LNPEP: variants seen among roughly 807,000 people sequenced by gnomAD.
The protein encoded by LNPEP is leucyl-cystinyl aminopeptidase.
Under a neutral mutation model 120.6 loss-of-function variants are expected in LNPEP, and 64 were observed. The ratio of observed to expected loss-of-function variants is 0.53; its 90% confidence interval spans 0.43 to 0.65. The LOEUF (loss-of-function observed/expected upper bound fraction) is 0.65, where lower values mean the gene tolerates loss of function less well. Among genes scored for constraint, LNPEP ranks in the 30% least tolerant of loss-of-function variants. The pLI, the probability that LNPEP is intolerant of heterozygous loss-of-function variation, is 0.00. For missense variants in LNPEP, 1,057 were observed against 1,200.0 expected (o/e 0.88, Z 1.76); for synonymous variants, 435 against 425.4 (o/e 1.02, Z -0.28).
intron 8 of LNPEP, among the ~76,000 whole-genome samples, chr5:96,999,640 T>C (rs1036337652): frequency 2.6e-5 from 4 of 152,104 alleles, no homozygotes; most frequent in African/African-American, 9.7e-5. Context: ...TAAAATGCTC[T>C]AAGTTCATTA....
chr5:97,026,236 A>G (rs1791336648), intron 15 of LNPEP, among the ~76,000 whole-genome samples: 1 of 152,214 alleles, frequency 6.6e-6, no homozygotes, highest in Non-Finnish European at 1.5e-5. Context: ...CAAATAATTC[A>G]AATGACCTAG....
chr5:97,002,925 C>G (rs1014129446), intron 8 of LNPEP, among the ~76,000 whole-genome samples: 4 of 152,088 alleles, frequency 2.6e-5, no homozygotes, highest in Non-Finnish European at 2.9e-5. Context: ...CTGGTTACTT[C>G]ACAACACAAT....
Position 97,028,085 on chromosome 5 carries a change from T to G in LNPEP, c.2946+271T>G, listed in dbSNP as rs543146278. ...AAAATTGTTTGGAAGAATTGCATTC[T>G]TGGGGTGAATTCATAGCACCAAGCC... On this transcript the variant is annotated intron_variant, in intron 17 of 17. Coordinates refer to ENST00000231368, the MANE Select transcript of LNPEP (RefSeq NM_005575.3). Among the ~76,000 whole-genome samples, 7 of 152,358 alleles carry G rather than the reference T, an allele frequency of 4.6e-5. No individual in the cohort carries two copies. In the East Asian group the frequency reaches 1.3e-3, roughly 29 times the overall value.
At chr5:96,994,874 C>T (rs544965992) in intron 6 of LNPEP, among the ~76,000 whole-genome samples, 17 of 152,266 alleles carry the variant, frequency 1.1e-4, no homozygotes, top group African/African-American at 3.1e-4. Context: ...CTTTGAGAGG[C>T]GGAGGCAGGC....
At chr5:96,961,649 C>A (rs1789609825) in intron 1 of LNPEP, among the ~76,000 whole-genome samples, 1 of 152,094 alleles carries the variant, frequency 6.6e-6, no homozygotes, top group Non-Finnish European at 1.5e-5. Flanking sequence ...GATCCCCTCC[C>A]CCCTACCAAA....
intron 1 of LNPEP, among the ~76,000 whole-genome samples, chr5:96,957,930 C>G (rs888994685): frequency 1.3e-5 from 2 of 152,190 alleles, no homozygotes; most frequent in African/African-American, 2.4e-5. Flanking sequence ...CAGGTTCATG[C>G]ACAGATTTAA....
intron 6 of LNPEP, 93 bp downstream of exon 6, chr5:96,994,064 T>G (rs1790452776): frequency 9.6e-7 from 1 of 1,046,252 alleles, no homozygotes; most frequent in Non-Finnish European, 1.4e-6. Context: ...AATTCTTTTT[T>G]TTTTTAAGCA....
chr5:96,944,190 T>C (rs954254727), intron 1 of LNPEP, among the ~76,000 whole-genome samples: 1 of 152,238 alleles, frequency 6.6e-6, no homozygotes, highest in African/African-American at 2.4e-5. Flanking sequence ...GAAACTGTTA[T>C]TTTGTCAAAT....
chr5:97,003,079 A>C (rs1180526003), intron 8 of LNPEP, among the ~76,000 whole-genome samples: 2 of 152,174 alleles, frequency 1.3e-5, no homozygotes, highest in Admixed American at 1.3e-4. Flanking sequence ...AAAATTTGGC[A>C]TGTTTTTCTA....
intron 2 of LNPEP, among the ~76,000 whole-genome samples, chr5:96,981,938 TC>T (rs570429698): frequency 3.6e-4 from 55 of 152,298 alleles, no homozygotes; most frequent in African/African-American, 1.2e-3. Flanking sequence ...CCTTGTTTTT[TC>T]TTTCTCATAG....
At chr5:97,020,968 A>G (rs1454566478) in intron 13 of LNPEP, among the ~76,000 whole-genome samples, 2 of 152,158 alleles carry the variant, frequency 1.3e-5, no homozygotes, top group Non-Finnish European at 2.9e-5. Context: ...TCGACATGGT[A>G]TTAACAGGTT....
At chr5:96,990,209 C>CGT (rs202046640) in intron 4 of LNPEP, among the ~76,000 whole-genome samples, 6 of 151,808 alleles carry the variant, frequency 4.0e-5, no homozygotes, top group South Asian at 4.2e-4. Flanking sequence ...GGTGCACGTG[C>CGT]GTGTGTGTGT....
In LNPEP at chr5:97,009,395, A is replaced by G. The variant is rs141860297; in HGVS notation, c.2035+2880A>G. ...CATTGACGGTAGTGATCATGGCTATATGAATCACTGTAAATCACTTTTAGC... is the reference window on the plus strand; with the variant it reads ...CATTGACGGTAGTGATCATGGCTATGTGAATCACTGTAAATCACTTTTAGC... On this transcript the variant is annotated intron_variant, in intron 11 of 17. Coordinates refer to ENST00000231368, the MANE Select transcript of LNPEP (RefSeq NM_005575.3). Among the ~76,000 whole-genome samples, 336 of 152,280 alleles carry G rather than the reference A, an allele frequency of 2.2e-3. 1 individual carries two copies. The highest frequency in any genetic ancestry group is 2.9e-3 in the Non-Finnish European group (197 of 68,020).
intron 1 of LNPEP, among the ~76,000 whole-genome samples, chr5:96,952,754 A>C (rs1408387862): frequency 6.6e-6 from 1 of 152,110 alleles, no homozygotes; most frequent in Non-Finnish European, 1.5e-5. Context: ...AAGGGTTTTC[A>C]ACAAGCTGCC....
chr5:97,013,648 G>T lies in LNPEP; in HGVS notation c.2036G>T (p.Gly679Val). The change falls in exon 12 of 18, where the codon GGT becomes GTT. Residue 679 changes from glycine to valine, a missense_variant and splice_region_variant. Physicochemically the swap from Gly to Val is moderately radical, Grantham distance 109. Coordinates refer to ENST00000231368, the MANE Select transcript of LNPEP (RefSeq NM_005575.3). ...QSVSLLDKKS[G>V]VINLTEEVLW... is the part of the protein sequence containing the mutation. ...CTCTCATTTTTTTGGTTTCCATTAG[G>T]TGTCATCAATCTTACAGAAGAAGTG... 2.7e-6 allele frequency: 4 copies of T among 1,499,804 alleles called. No individual in the cohort carries two copies. Among genetic ancestry groups the T allele is most frequent in the Non-Finnish European group, 3.6e-6 (4 of 1,120,096 alleles). The allele number at this position is 1,499,804 out of a possible 1,614,324, so 92.9% of individuals were successfully genotyped here.
intron 1 of LNPEP, among the ~76,000 whole-genome samples, chr5:96,966,508 TTGTGTGTGTGTGTGTGTG>T (rs375861296): frequency 1.3e-3 from 173 of 133,460 alleles, no homozygotes; most frequent in African/African-American, 4.3e-3. Flanking sequence ...TTACATATAT[TTGTGTGTGTGTGTGTGTG>T]TGTGTGTGTG....
In LNPEP at chr5:96,998,030, A is replaced by G. The variant is rs1279616173; in HGVS notation, c.1538A>G (p.Asp513Gly). 7.0e-6 allele frequency: 11 copies of G among 1,572,996 alleles called. No individual in the cohort carries two copies. The highest frequency in any genetic ancestry group is 9.6e-6 in the Non-Finnish European group (11 of 1,151,816). The change falls in exon 8 of 18, where the codon GAT (aspartate) becomes GGT (glycine). Residue 513 changes from aspartate to glycine, a missense_variant. Transcript: ENST00000231368. ...TTTTGACAGTATGAAGATTTCTTAGATGCTCGATTTAAAACCATGAAGAAA... is the reference window on the plus strand; with the variant it reads ...TTTTGACAGTATGAAGATTTCTTAGGTGCTCGATTTAAAACCATGAAGAAA... The part of the protein sequence containing the change: ...KELSSYEDFL[D>G]ARFKTMKKDS...
chr5:97,010,435 T>TC (rs1554070276), intron 11 of LNPEP: 1 of 985,094 alleles, frequency 1.0e-6, no homozygotes. Flanking sequence ...TGCCTTTTTT[T>TC]CCCCTAATAA....
chr5:96,940,164 A>G (rs1377826764), intron 1 of LNPEP, among the ~76,000 whole-genome samples: 4 of 152,210 alleles, frequency 2.6e-5, no homozygotes, highest in Non-Finnish European at 5.9e-5. Context: ...ACTGGAAACT[A>G]GTGGTAGAAA....
Sources: allele counts gnomAD v4.1 joint callset (sites outside exome capture counted in the v4.1 genomes callset), GRCh38; gene constraint gnomAD v4.1.1; transcripts MANE v1.5; gene names NCBI Gene and HGNC (gene_info 2026-07-23, HGNC 2026-07-21).